The following CNNM2 variants were observed in gnomAD, a reference collection of about 807,000 sequenced individuals.
CNNM2 encodes cyclin and CBS domain divalent metal cation transport mediator 2, also known as metal transporter CNNM2.
CNNM2 carries 12 observed loss-of-function variants against 66.9 expected under a neutral mutation model. That is an observed-to-expected ratio of 0.18 (90% CI 0.11 to 0.29). CNNM2 has a LOEUF of 0.29. Ranked by LOEUF, CNNM2 falls within the 10% of genes least tolerant of loss-of-function variation. The pLI is 1.00. For synonymous variants in CNNM2, 557 were observed against 501.8 expected (o/e 1.11, Z -1.47); for missense variants, 705 against 1,167.7 (o/e 0.60, Z 5.77).
At chr10:103,041,376 T>A (rs938102884) in intron 1 of CNNM2, among the ~76,000 whole-genome samples, 7 of 152,224 alleles carry the variant, frequency 4.6e-5, no homozygotes, top group Non-Finnish European at 7.3e-5. Context: ...GACAAAGATT[T>A]CAGAGTTTTA....
chr10:103,072,899 C>T (rs1179964132), intron 6 of CNNM2, among the ~76,000 whole-genome samples: 1 of 152,234 alleles, frequency 6.6e-6, no homozygotes, highest in Non-Finnish European at 1.5e-5. Context: ...AGGGCCGCCC[C>T]AGAATTGCTG....
intron 1 of CNNM2, among the ~76,000 whole-genome samples, chr10:102,952,610 C>A (rs1357549348): frequency 6.9e-6 from 1 of 145,376 alleles, no homozygotes; most frequent in African/African-American, 2.5e-5. Flanking sequence ...CATAGTGAGA[C>A]CCTGTCTCTA....
rs779140302 is a variant in CNNM2, at chr10:103,089,378, G to C, written c.*12198G>C. On this transcript the variant is annotated 3_prime_UTR_variant, in exon 8 of 8. Coordinates refer to ENST00000369878, the MANE Select transcript of CNNM2 (RefSeq NM_017649.5). ...TATCCAGATACACTGACATACGGAT[G>C]ATTTTAAAAGTGTCACAAGCCACAG... is the stretch of plus-strand genomic sequence containing the variant. 5.3e-5 allele frequency: 16 copies of C among 300,210 alleles called. No homozygotes were observed. The highest frequency in any genetic ancestry group is 2.4e-4 in the Admixed American group (5 of 20,904). The allele number at this position is 300,210 out of a possible 1,614,324, so 18.6% of individuals were successfully genotyped here.
chr10:103,004,740 T>G (rs575776244), intron 1 of CNNM2, among the ~76,000 whole-genome samples: 1 of 152,386 alleles, frequency 6.6e-6, no homozygotes, highest in East Asian at 1.9e-4. Flanking sequence ...TTCCTTTGTT[T>G]AGGTGTGTGT....
intron 1 of CNNM2, among the ~76,000 whole-genome samples, chr10:102,964,364 G>A (rs1404331425): frequency 6.6e-6 from 1 of 152,046 alleles, no homozygotes; most frequent in Non-Finnish European, 1.5e-5. Flanking sequence ...GAGTAGCTGG[G>A]ACTACAGGTG....
intron 1 of CNNM2, among the ~76,000 whole-genome samples, chr10:102,946,760 A>G (rs1205268810): frequency 6.6e-6 from 1 of 152,154 alleles, no homozygotes; most frequent in East Asian, 1.9e-4. Flanking sequence ...TTGATTTGCA[A>G]CCGGGATAGA....
At position 103,071,773 on chromosome 10, in the gene CNNM2, G is replaced by A; in HGVS notation, c.2168-1G>A. 6.2e-7 allele frequency: 1 copy of A among 1,613,708 alleles called. No homozygotes were observed. Among genetic ancestry groups the A allele is most frequent in the Non-Finnish European group, 8.5e-7 (1 of 1,179,716 alleles). On this transcript the variant is annotated splice_acceptor_variant, in intron 5 of 7. Coordinates refer to ENST00000369878, the MANE Select transcript of CNNM2 (RefSeq NM_017649.5). LOFTEE classifies it high-confidence loss of function. ...TCACCCTGTTTTTCTCCATTTTTCA[G>A]TTCCTTTGTCCCTGTCTCGTACCTT...
intron 3 of CNNM2, among the ~76,000 whole-genome samples, chr10:103,056,109 TAAAAA>T (rs1019986235): frequency 6.7e-6 from 1 of 148,394 alleles, no homozygotes; most frequent in Admixed American, 6.8e-5. Context: ...AAATTTAAAT[TAAAAA>T]AAAAGAAAAC....
intron 1 of CNNM2, among the ~76,000 whole-genome samples, chr10:102,980,346 A>G (rs1217177669): frequency 6.7e-6 from 1 of 148,178 alleles, no homozygotes; most frequent in East Asian, 2.0e-4. Flanking sequence ...TTCATAGCTC[A>G]CTGCAGCCTC....
chr10:103,049,289 A>G (rs898436089), intron 1 of CNNM2, among the ~76,000 whole-genome samples: 1 of 152,246 alleles, frequency 6.6e-6, no homozygotes, highest in African/African-American at 2.4e-5. Flanking sequence ...ATTTCAACAC[A>G]GTGAAAACAG....
rs547743844 is a variant in CNNM2, at chr10:102,942,778, A to G, written c.1621+22677A>G. Among the ~76,000 whole-genome samples, 6 of 152,388 alleles carry G rather than the reference A, an allele frequency of 3.9e-5. No homozygotes were observed. In the South Asian group the frequency reaches 1.2e-3, roughly 32 times the overall value. On this transcript the variant is annotated intron_variant, in intron 1 of 7. Transcript: ENST00000369878. ...AAACATTATAACAGTCTAAAAGTCCAGCATTGAAGAATAGTTAACCAAGTC... is the reference window on the plus strand; with the variant it reads ...AAACATTATAACAGTCTAAAAGTCCGGCATTGAAGAATAGTTAACCAAGTC...
chr10:103,041,338 T>A (rs926669623), intron 1 of CNNM2, among the ~76,000 whole-genome samples: 1 of 152,214 alleles, frequency 6.6e-6, no homozygotes, highest in African/African-American at 2.4e-5. Flanking sequence ...TCATTCATTC[T>A]TCATTGAAAA....
intron 4 of CNNM2, among the ~76,000 whole-genome samples, chr10:103,062,312 A>G (rs1192226833): frequency 7.2e-5 from 11 of 152,132 alleles, no homozygotes. Flanking sequence ...CCCTTGAAAT[A>G]CTTAGTATGC....
chr10:103,056,672 G>A (rs193141074), intron 3 of CNNM2, 123 bp from the exon 4 acceptor site: 71 of 909,222 alleles, frequency 7.8e-5, no homozygotes, highest in African/African-American at 7.8e-4. Flanking sequence ...CGGAAGCCTC[G>A]TCCATTCAAA....
chr10:103,053,268 A>G (rs1177132724), intron 2 of CNNM2, among the ~76,000 whole-genome samples: 4 of 152,162 alleles, frequency 2.6e-5, no homozygotes. Flanking sequence ...TAATCCCAGC[A>G]CTTTGGGAGG....
At chr10:103,033,663 G>A (rs781360239) in intron 1 of CNNM2, among the ~76,000 whole-genome samples, 1 of 151,704 alleles carries the variant, frequency 6.6e-6, no homozygotes, top group Admixed American at 6.6e-5. Context: ...CCTATTTTTG[G>A]TTGGTAGAGA....
intron 1 of CNNM2, among the ~76,000 whole-genome samples, chr10:103,031,757 C>G (rs538639075): frequency 2.0e-5 from 3 of 151,906 alleles, no homozygotes; most frequent in Non-Finnish European, 4.4e-5. Context: ...GCCTAGGCAG[C>G]AGGTGTTCAA....
At chr10:103,032,456 GA>G (rs1049825400) in intron 1 of CNNM2, among the ~76,000 whole-genome samples, 5 of 151,306 alleles carry the variant, frequency 3.3e-5, no homozygotes, top group African/African-American at 1.2e-4. Context: ...ATCTCAAAAA[GA>G]AAAAAAGAAT....
intron 1 of CNNM2, among the ~76,000 whole-genome samples, chr10:102,983,050 G>C (rs926429081): frequency 6.6e-6 from 1 of 152,038 alleles, no homozygotes; most frequent in Non-Finnish European, 1.5e-5. Context: ...TAATTTGAAA[G>C]GAGACCCATA....
Sources: allele counts gnomAD v4.1 joint callset (sites outside exome capture counted in the v4.1 genomes callset), GRCh38; gene constraint gnomAD v4.1.1; transcripts MANE v1.5; gene names NCBI Gene and HGNC (gene_info 2026-07-23, HGNC 2026-07-21).